The following NIBAN1 variants were observed in gnomAD, a reference collection of about 807,000 sequenced individuals.
The protein encoded by NIBAN1 is protein Niban 1.
A neutral mutation model predicts 75.1 loss-of-function variants in NIBAN1; 81 were observed. The ratio of observed to expected loss-of-function variants is 1.08; its 90% CI spans 0.90 to 1.30. The LOEUF is 1.30. Among genes scored for constraint, NIBAN1 ranks in the 50% most tolerant of loss-of-function variants. NIBAN1 has a pLI of 0.00. For missense variants in NIBAN1, 1,133 were observed against 1,128.1 expected, an observed-to-expected ratio of 1.00 and a Z score of -0.06; for synonymous variants, 436 against 424.8, an observed-to-expected ratio of 1.03 and a Z score of -0.32.
chr1:184,917,743 A>G (rs1448254200), intron 1 of NIBAN1, among the ~76,000 whole-genome samples: 2 of 151,946 alleles, frequency 1.3e-5, no homozygotes, highest in African/African-American at 4.8e-5. Context: ...TACATTAATT[A>G]TCTCCTTTTT....
intron 5 of NIBAN1, among the ~76,000 whole-genome samples, chr1:184,857,063 C>A (rs892236796): frequency 6.6e-6 from 1 of 152,142 alleles, no homozygotes; most frequent in Admixed American, 6.5e-5. Flanking sequence ...AAACACCCAA[C>A]CTATGAAATC....
At chr1:184,854,965 C>A (rs1012974514) in intron 5 of NIBAN1, among the ~76,000 whole-genome samples, 3 of 152,228 alleles carry the variant, frequency 2.0e-5, no homozygotes, top group Admixed American at 1.3e-4. Flanking sequence ...AATGTCAAAG[C>A]TTTTGCAGGA....
intron 1 of NIBAN1, among the ~76,000 whole-genome samples, chr1:184,899,807 CTT>C (rs66802117): frequency 4.7e-3 from 469 of 100,326 alleles, no homozygotes; most frequent in African/African-American, 9.1e-3. Context: ...ACATCACTCT[CTT>C]TTTTTTTTTT....
At chr1:184,817,894 T>C (rs1346611261) in intron 9 of NIBAN1, among the ~76,000 whole-genome samples, 2 of 152,248 alleles carry the variant, frequency 1.3e-5, no homozygotes, top group Admixed American at 6.5e-5. Context: ...CAACCACTCA[T>C]AGACTGCTGA....
At chr1:184,880,911 A>C (rs886175857) in intron 5 of NIBAN1, among the ~76,000 whole-genome samples, 1 of 152,180 alleles carries the variant, frequency 6.6e-6, no homozygotes, top group Admixed American at 6.5e-5. Context: ...GTGTGACTCC[A>C]AAAGGGACAG....
chr1:184,884,644 T>C lies in NIBAN1; in HGVS notation c.590A>G (p.His197Arg). 2 of 1,614,052 alleles carry C rather than the reference T, an allele frequency of 1.2e-6. No individual in the cohort carries two copies. Among genetic ancestry groups the C allele is most frequent in the Non-Finnish European group, 1.7e-6 (2 of 1,179,970 alleles). The change falls in exon 5 of 14, where the codon CAT (histidine) becomes CGT (arginine). Residue 197 changes from histidine (H) to arginine (R), a missense_variant. Transcript: ENST00000367511. ...FSALLSDCVR[H>R]LNHDYMKQMT... ...GAGCCGCGCCATACCATGATTGAGATGCCTGACGCAGTCACTCAGGAGGGC... is the reference window on the plus strand; with the variant it reads ...GAGCCGCGCCATACCATGATTGAGACGCCTGACGCAGTCACTCAGGAGGGC...
At chr1:184,921,002 G>A (rs1020403655) in intron 1 of NIBAN1, among the ~76,000 whole-genome samples, 4 of 152,066 alleles carry the variant, frequency 2.6e-5, no homozygotes, top group South Asian at 2.1e-4. Flanking sequence ...GGTGGCAGGC[G>A]CCTGTAGTCC....
intron 1 of NIBAN1, among the ~76,000 whole-genome samples, chr1:184,921,285 G>A (rs1015670266): frequency 6.6e-6 from 1 of 151,892 alleles, no homozygotes; most frequent in Non-Finnish European, 1.5e-5. Flanking sequence ...CAACAAGGGT[G>A]AAACTCTGTC....
intron 1 of NIBAN1, among the ~76,000 whole-genome samples, chr1:184,953,700 T>C (rs1265943248): frequency 6.6e-6 from 1 of 152,228 alleles, no homozygotes; most frequent in East Asian, 1.9e-4. Flanking sequence ...ACAAAGTAGT[T>C]AGCTATAGTA....
At chr1:184,910,970 C>A (rs1317710832) in intron 1 of NIBAN1, among the ~76,000 whole-genome samples, 3 of 152,106 alleles carry the variant, frequency 2.0e-5, no homozygotes, top group African/African-American at 7.2e-5. Context: ...ACTAGAACTG[C>A]ATCATCAGCT....
At chr1:184,882,894 C>T (rs956198570) in intron 5 of NIBAN1, among the ~76,000 whole-genome samples, 4 of 152,134 alleles carry the variant, frequency 2.6e-5, no homozygotes, top group South Asian at 4.1e-4. Flanking sequence ...GTCTCTAGAA[C>T]ATCAAAAACA....
At chr1:184,806,099 C>G (rs1257458717) in intron 10 of NIBAN1, 43 bp from the exon 11 acceptor site, 5 of 1,527,356 alleles carry the variant, frequency 3.3e-6, no homozygotes, top group Non-Finnish European at 4.5e-6. Context: ...CAGTCAGGGG[C>G]TGGGATCACC....
chr1:184,898,781 G>A (rs925908311), intron 2 of NIBAN1, among the ~76,000 whole-genome samples: 2 of 152,166 alleles, frequency 1.3e-5, no homozygotes, highest in African/African-American at 4.8e-5. Context: ...CTAGCACATA[G>A]TAGGTGCTAA....
intron 8 of NIBAN1, among the ~76,000 whole-genome samples, chr1:184,820,880 C>CT (rs1159002668): frequency 4.6e-5 from 7 of 152,236 alleles, no homozygotes; most frequent in African/African-American, 1.7e-4. Context: ...GCTTACAACT[C>CT]TGGAAGTGGC....
At position 184,795,344 on chromosome 1, in the gene NIBAN1, G is replaced by A. The variant is rs1653818175; in HGVS notation, c.2420C>T (p.Pro807Leu). ...GAGCTCCCCCTCCATGGGCCCCAGGGGCTCCTCGGTGAGCCCTCCACTGGC... is the reference window on the plus strand; with the variant it reads ...GAGCTCCCCCTCCATGGGCCCCAGGAGCTCCTCGGTGAGCCCTCCACTGGC... ...PPASGGLTEE[P>L]LGPMEGELPG... The change falls in exon 14 of 14, where the codon CCC becomes CTC. Residue 807 changes from proline (P) to leucine (L), a missense_variant. Coordinates refer to ENST00000367511, the MANE Select transcript of NIBAN1 (RefSeq NM_052966.4). 2 of 1,610,110 alleles carry A rather than the reference G, an allele frequency of 1.2e-6. No homozygotes were observed. The highest frequency in any genetic ancestry group is 2.2e-5 in the South Asian group (2 of 90,896).
rs183254989 is a variant in NIBAN1 at position 184,880,155 on chromosome 1, C to T, written c.601+4478G>A. On this transcript the variant is annotated intron_variant, in intron 5 of 13. Transcript: ENST00000367511. Reference sequence around the variant, plus strand: ...CCTCCTTTCCAGAATCACCATTCATCCAGTGATGGCTGCCTTCTAACATCC... The same window carrying T: ...CCTCCTTTCCAGAATCACCATTCATTCAGTGATGGCTGCCTTCTAACATCC... Among the ~76,000 whole-genome samples, 25 of 152,338 alleles carry T rather than the reference C, an allele frequency of 1.6e-4. No individual in the cohort carries two copies. In the East Asian group the frequency reaches 4.6e-3, roughly 28 times the overall value.
intron 5 of NIBAN1, among the ~76,000 whole-genome samples, chr1:184,874,584 GTA>G (rs1429937257): frequency 6.6e-6 from 1 of 151,880 alleles, no homozygotes; most frequent in Admixed American, 6.6e-5. Context: ...ATATGTGTAT[GTA>G]TATGTGTGTG....
At chr1:184,960,177 A>G (rs1337942546) in intron 1 of NIBAN1, among the ~76,000 whole-genome samples, 5 of 152,234 alleles carry the variant, frequency 3.3e-5, no homozygotes. Context: ...GATTTTTTAG[A>G]GAGAAGAATT....
intron 1 of NIBAN1, among the ~76,000 whole-genome samples, chr1:184,951,033 A>T (rs563930316): frequency 6.6e-6 from 1 of 152,326 alleles, no homozygotes; most frequent in African/African-American, 2.4e-5. Context: ...CAAACTCCTC[A>T]TGGGAGCATG....
Sources: allele counts gnomAD v4.1 joint callset (sites outside exome capture counted in the v4.1 genomes callset), GRCh38; gene constraint gnomAD v4.1.1; transcripts MANE v1.5; gene names NCBI Gene and HGNC (gene_info 2026-07-23, HGNC 2026-07-21).